The following SCAPER variants were observed in gnomAD, a reference collection of about 807,000 sequenced individuals.
SCAPER encodes the protein S phase cyclin A-associated protein in the endoplasmic reticulum.
Under a neutral mutation model 182.2 loss-of-function variants are expected in SCAPER, and 98 were observed. The observed-to-expected ratio is 0.54, with a 90% CI of 0.46 to 0.64. The LOEUF is 0.64. Ranked by LOEUF, SCAPER falls within the 30% of genes least tolerant of loss-of-function variation. The probability of loss-of-function intolerance (pLI) is 0.00; values close to 1 mark genes in which losing one functional copy is unlikely to be tolerated. For synonymous variants in SCAPER, 605 were observed against 564.6 expected (o/e 1.07, Z -1.01); for missense variants, 1,432 against 1,690.0 (o/e 0.85, Z 2.68).
At chr15:76,523,133 C>T (rs2144342409) in intron 23 of SCAPER, among the ~76,000 whole-genome samples, 1 of 151,978 alleles carries the variant, frequency 6.6e-6, no homozygotes, top group East Asian at 1.9e-4. Context: ...GCTTATATTG[C>T]TTTAACCAAT....
intron 23 of SCAPER, among the ~76,000 whole-genome samples, chr15:76,567,835 C>G (rs2047154201): frequency 6.6e-6 from 1 of 152,020 alleles, no homozygotes; most frequent in African/African-American, 2.4e-5. Context: ...CTACCCTCTT[C>G]CTGGTGCCTT....
intron 26 of SCAPER, among the ~76,000 whole-genome samples, chr15:76,420,894 G>C (rs1428091679): frequency 2.0e-5 from 3 of 152,154 alleles, no homozygotes; most frequent in South Asian, 2.1e-4. Context: ...CTTTGCAATA[G>C]TTTGCTGAGA....
At chr15:76,350,782 A>C (rs2040492516) in intron 31 of SCAPER, 1 of 152,600 alleles carries the variant, frequency 6.6e-6, no homozygotes, top group African/African-American at 2.4e-5. Flanking sequence ...TTATTTTCAA[A>C]ACAAAAGTTC....
At chr15:76,741,577 T>C (rs1320401606) in intron 15 of SCAPER, among the ~76,000 whole-genome samples, 7 of 151,960 alleles carry the variant, frequency 4.6e-5, no homozygotes. Flanking sequence ...CAATGGAAAA[T>C]GTAGCTGCCT....
intron 25 of SCAPER, among the ~76,000 whole-genome samples, chr15:76,448,934 C>T (rs1434321791): frequency 6.6e-6 from 1 of 152,166 alleles, no homozygotes; most frequent in Non-Finnish European, 1.5e-5. Flanking sequence ...TATCATCTCT[C>T]TTCTACTGGA....
chr15:76,416,122 C>T (rs2045626737), intron 26 of SCAPER, among the ~76,000 whole-genome samples: 1 of 151,928 alleles, frequency 6.6e-6, no homozygotes, highest in African/African-American at 2.4e-5. Flanking sequence ...AAGCAACTTA[C>T]AAAATAGTAA....
At chr15:76,882,169 A>G (rs781308481) in intron 2 of SCAPER, among the ~76,000 whole-genome samples, 1 of 152,168 alleles carries the variant, frequency 6.6e-6, no homozygotes, top group African/African-American at 2.4e-5. Flanking sequence ...AGGCCAAAGC[A>G]GGAGGATCAC....
chr15:76,351,184 A>G, intron 31 of SCAPER, 53 bp downstream of exon 31: 1 of 1,501,740 alleles, frequency 6.7e-7, no homozygotes, highest in Non-Finnish European at 9.1e-7. Flanking sequence ...AGGATAAGAA[A>G]GATGTCCATT....
chr15:76,432,570 T>G (rs1005180436), intron 26 of SCAPER, among the ~76,000 whole-genome samples: 1 of 152,240 alleles, frequency 6.6e-6, no homozygotes, highest in Admixed American at 6.5e-5. Flanking sequence ...CAGAGATCAG[T>G]GCAGAACACA....
chr15:76,537,935 G>C (rs75207925), intron 23 of SCAPER, among the ~76,000 whole-genome samples: 57,137 of 150,976 alleles, frequency 0.38, 12,854 homozygotes, highest in Middle Eastern at 0.52. Flanking sequence ...CAAAAGAAGA[G>C]ATTTATGCAG....
intron 15 of SCAPER, among the ~76,000 whole-genome samples, chr15:76,738,176 A>G (rs575429855): frequency 6.6e-6 from 1 of 152,154 alleles, no homozygotes; most frequent in African/African-American, 2.4e-5. Flanking sequence ...TGGGTTTCAC[A>G]TCACCCAGGC....
rs916710691 is a variant in SCAPER at position 76,777,956 on chromosome 15, C to G, written c.773-2839G>C. On this transcript the variant is annotated intron_variant, in intron 8 of 31. Transcript: ENST00000563290. Reference sequence around the variant, plus strand: ...AGAGCCTACAGTTGGGCAAAATCATCTAATACAAAGCCTATTTTATAATAG... The same window carrying G: ...AGAGCCTACAGTTGGGCAAAATCATGTAATACAAAGCCTATTTTATAATAG... 2.6e-5 allele frequency among the ~76,000 whole-genome samples: 4 copies of G among 152,254 alleles called. No individual in the cohort carries two copies. The South Asian group carries it at 8.3e-4, about 32-fold the overall frequency.
At chr15:76,736,866 A>G in intron 15 of SCAPER, 1 of 168,116 alleles carries the variant, frequency 5.9e-6, no homozygotes, top group Non-Finnish European at 1.3e-5. Context: ...AGAATCTCCA[A>G]ACAAGTTCTC....
chr15:76,805,555 CTTTTTTTTTTTT>C (rs59845788), intron 5 of SCAPER, among the ~76,000 whole-genome samples: 3 of 85,878 alleles, frequency 3.5e-5, no homozygotes, highest in African/African-American at 1.2e-4. Context: ...ATTTGTTTAC[CTTTTTTTTTTTT>C]TTTTTTTTTG....
intron 5 of SCAPER, among the ~76,000 whole-genome samples, chr15:76,805,952 T>C (rs2066130535): frequency 6.6e-6 from 1 of 152,222 alleles, no homozygotes; most frequent in African/African-American, 2.4e-5. Flanking sequence ...TGTTGAGCTA[T>C]AAAGTTCTTT....
chr15:76,477,751 A>AT (rs1422117981), intron 24 of SCAPER, among the ~76,000 whole-genome samples: 5 of 151,914 alleles, frequency 3.3e-5, no homozygotes, highest in African/African-American at 9.7e-5. Flanking sequence ...ATGATTAGAG[A>AT]TTTTTTCCCG....
intron 7 of SCAPER, 62 bp downstream of exon 7, chr15:76,800,172 TCAGAATCATAATAC>T (rs2065661669): frequency 2.4e-6 from 2 of 819,546 alleles, no homozygotes; most frequent in Non-Finnish European, 3.9e-6. Flanking sequence ...TAGTAGAATA[TCAGAATCATAATAC>T]TATAATAACT....
At chr15:76,613,866 C>G (rs1016963121) in intron 22 of SCAPER, among the ~76,000 whole-genome samples, 4 of 152,082 alleles carry the variant, frequency 2.6e-5, no homozygotes, top group African/African-American at 9.7e-5. Context: ...CTCAAAGGGC[C>G]TAAAGACAGA....
Position 76,659,287 on chromosome 15 carries a change from T to A in SCAPER, c.2645+6366A>T, listed in dbSNP as rs2055922708. Among the ~76,000 whole-genome samples the A allele has an allele frequency of 2.0e-5, 3 of 151,984 alleles. No homozygotes were observed. In the South Asian group the frequency reaches 6.2e-4, roughly 32 times the overall value. ...AATATTACAGACACACTTTTTTTTT[T>A]AAAGTCAGGGTCTTGCTCTGTTGCC... On this transcript the variant is annotated intron_variant, in intron 21 of 31. Coordinates refer to ENST00000563290, the MANE Select transcript of SCAPER (RefSeq NM_020843.4).
Sources: gnomAD v4.1 joint callset for allele counts (sites outside exome capture counted in the v4.1 genomes callset) on GRCh38, gnomAD v4.1.1 for gene constraint, MANE v1.5 for transcripts, NCBI Gene and HGNC (gene_info 2026-07-23, HGNC 2026-07-21) for gene names.